The following PTPRR variants were observed in gnomAD, a reference collection of about 807,000 sequenced individuals.
The protein encoded by PTPRR is receptor-type tyrosine-protein phosphatase R.
PTPRR carries 38 observed loss-of-function variants against 77.2 expected under a neutral mutation model. That is an observed-to-expected ratio of 0.49 (90% CI 0.38 to 0.65). The LOEUF (loss-of-function observed/expected upper bound fraction) is 0.65, where lower values mean the gene tolerates loss of function less well. PTPRR is among the 30% of genes least tolerant of loss of function. The pLI, the probability that PTPRR is intolerant of heterozygous loss-of-function variation, is 0.00. For missense variants in PTPRR, 744 were observed against 799.2 expected, an observed-to-expected ratio of 0.93 and a Z score of 0.83; for synonymous variants, 299 against 283.1, an observed-to-expected ratio of 1.06 and a Z score of -0.57.
intron 2 of PTPRR, among the ~76,000 whole-genome samples, chr12:70,816,608 C>A (rs762469606): frequency 2.0e-5 from 3 of 151,738 alleles, no homozygotes; most frequent in African/African-American, 7.3e-5. Context: ...TATAAATAAA[C>A]CAGCACATAT....
intron 2 of PTPRR, among the ~76,000 whole-genome samples, chr12:70,773,861 G>A (rs1288974396): frequency 3.9e-5 from 6 of 152,146 alleles, no homozygotes; most frequent in Non-Finnish European, 5.9e-5. Context: ...TTATATAACA[G>A]AATGTTTTAA....
intron 10 of PTPRR, among the ~76,000 whole-genome samples, chr12:70,670,641 C>T (rs536585633): frequency 6.6e-6 from 1 of 152,272 alleles, no homozygotes; most frequent in African/African-American, 2.4e-5. Flanking sequence ...GAGAGAAATG[C>T]AGTAAGTAAC....
intron 2 of PTPRR, among the ~76,000 whole-genome samples, chr12:70,853,113 G>C (rs1892597678): frequency 6.6e-6 from 1 of 152,122 alleles, no homozygotes. Flanking sequence ...GGAGAAACAG[G>C]AACACAAAAG....
chr12:70,670,590 T>C (rs963668504), intron 10 of PTPRR, among the ~76,000 whole-genome samples: 2 of 152,256 alleles, frequency 1.3e-5, no homozygotes, highest in Admixed American at 1.3e-4. Context: ...GTATGTAATA[T>C]GGTCAACATG....
chr12:70,832,254 A>T lies in PTPRR; in HGVS notation c.357+60425T>A, dbSNP rs1029105078. ...GGTGGCTAGACAAGTATGTAAGTAG[A>T]GTAGGGCTTGGGCCTGCTGCCCCAA... On this transcript the variant is annotated intron_variant, in intron 2 of 13. Coordinates refer to ENST00000283228, the MANE Select transcript of PTPRR (RefSeq NM_002849.4). Among the ~76,000 whole-genome samples the T allele has an allele frequency of 3.9e-5, 6 of 152,190 alleles. No individual in the cohort carries two copies. In the South Asian group the frequency reaches 1.2e-3, roughly 32 times the overall value.
At chr12:70,789,041 C>T in intron 2 of PTPRR, 1 of 499,300 alleles carries the variant, frequency 2.0e-6, no homozygotes, top group South Asian at 4.8e-5. Context: ...CAAGAGATAT[C>T]CCAGGTGCTT....
chr12:70,657,771 C>A (rs370879712), intron 12 of PTPRR, among the ~76,000 whole-genome samples: 1 of 152,182 alleles, frequency 6.6e-6, no homozygotes, highest in Non-Finnish European at 1.5e-5. Flanking sequence ...TTTTACATCT[C>A]TCCCTTTCTC....
intron 2 of PTPRR, among the ~76,000 whole-genome samples, chr12:70,778,405 G>A (rs955160685): frequency 7.9e-5 from 12 of 152,156 alleles, no homozygotes; most frequent in Admixed American, 4.6e-4. Context: ...GTGGTATGCC[G>A]TTATAGTCTA....
intron 2 of PTPRR, among the ~76,000 whole-genome samples, chr12:70,872,708 A>AAAAAACAAAAC: frequency 6.7e-6 from 1 of 149,456 alleles, no homozygotes; most frequent in South Asian, 2.1e-4. Flanking sequence ...AAAAAAAAAA[A>AAAAAACAAAAC]AAAAAAAAAA....
At chr12:70,682,034 CTTTTTTTTTTTTTTTTTTT>C (rs578204454) in intron 10 of PTPRR, among the ~76,000 whole-genome samples, 2 of 62,690 alleles carry the variant, frequency 3.2e-5, no homozygotes, top group Admixed American at 5.3e-4. Context: ...TTGTTGTTCA[CTTTTTTTTTTTTTTTTTTT>C]TTTTTTTTGA....
intron 2 of PTPRR, among the ~76,000 whole-genome samples, chr12:70,889,306 A>G (rs1893294075): frequency 6.6e-6 from 1 of 152,236 alleles, no homozygotes; most frequent in Non-Finnish European, 1.5e-5. Context: ...ATTTCTTTAC[A>G]GTGGCAAAGC....
intron 2 of PTPRR, among the ~76,000 whole-genome samples, chr12:70,815,246 G>A (rs185403696): frequency 6.6e-6 from 1 of 151,740 alleles, no homozygotes; most frequent in Admixed American, 6.6e-5. Context: ...AGAAGGGATT[G>A]GTAAGCTTGA....
intron 6 of PTPRR, among the ~76,000 whole-genome samples, chr12:70,733,717 C>T (rs1513101): frequency 1.3e-5 from 2 of 151,930 alleles, no homozygotes; most frequent in South Asian, 4.2e-4. Flanking sequence ...TATAAGATTT[C>T]CAGAAAAAGA....
At position 70,658,707 on chromosome 12, in the gene PTPRR, G is replaced by A. The variant is rs186251938; in HGVS notation, c.1767-1890C>T. ...GGGATCTTATATGGAAGGCTAAGTG[G>A]TTTGAAATACATCCTTTTTTTTTTT... On this transcript the variant is annotated intron_variant, in intron 12 of 13. Coordinates refer to ENST00000283228, the MANE Select transcript of PTPRR (RefSeq NM_002849.4). Among the ~76,000 whole-genome samples the A allele has an allele frequency of 2.2e-3, 334 of 151,472 alleles. 4 individuals carry two copies. Among genetic ancestry groups the A allele is most frequent in the Middle Eastern group, 0.01 (3 of 292 alleles).
chr12:70,730,947 A>G (rs1477500176), intron 6 of PTPRR, among the ~76,000 whole-genome samples: 1 of 149,532 alleles, frequency 6.7e-6, no homozygotes, highest in Non-Finnish European at 1.5e-5. Context: ...AAGGAAGGAA[A>G]GAGAGAGGAA....
At chr12:70,832,814 C>T (rs1008888020) in intron 2 of PTPRR, among the ~76,000 whole-genome samples, 2 of 152,054 alleles carry the variant, frequency 1.3e-5, no homozygotes, top group Admixed American at 1.3e-4. Flanking sequence ...CCAGCATTGA[C>T]TGGGCTTCTG....
intron 5 of PTPRR, among the ~76,000 whole-genome samples, chr12:70,747,408 A>G (rs948598784): frequency 6.6e-6 from 1 of 152,222 alleles, no homozygotes; most frequent in Admixed American, 6.5e-5. Flanking sequence ...AAGATAAGGC[A>G]TATATTATAT....
At chr12:70,807,795 C>G (rs1463892278) in intron 2 of PTPRR, among the ~76,000 whole-genome samples, 1 of 152,170 alleles carries the variant, frequency 6.6e-6, no homozygotes, top group African/African-American at 2.4e-5. Flanking sequence ...ATCTCTTAAT[C>G]CCATCATCTT....
rs1002593807 is a variant in PTPRR at position 70,737,676 on chromosome 12, T to C, written c.1007+8142A>G. On this transcript the variant is annotated intron_variant, in intron 6 of 13. Coordinates refer to ENST00000283228, the MANE Select transcript of PTPRR (RefSeq NM_002849.4). The stretch of plus-strand genomic sequence containing the variant: ...CTGGGAGTACAGGTAAACACCACCA[T>C]GCCTGGCTAATTTGTTAAAAAATTT... 2.0e-5 allele frequency among the ~76,000 whole-genome samples: 3 copies of C among 152,202 alleles called. No individual in the cohort carries two copies. In the East Asian group the frequency reaches 5.8e-4, roughly 30 times the overall value.
Sources: allele counts gnomAD v4.1 joint callset (sites outside exome capture counted in the v4.1 genomes callset), GRCh38; gene constraint gnomAD v4.1.1; transcripts MANE v1.5; gene names NCBI Gene and HGNC (gene_info 2026-07-23, HGNC 2026-07-21).